The following TBCD variants were observed in gnomAD, a reference collection of about 807,000 sequenced individuals.
TBCD encodes tubulin-specific chaperone D.
A neutral mutation model predicts 169.3 loss-of-function variants in TBCD; 105 were observed. The observed-to-expected ratio is 0.62, with a 90% CI of 0.53 to 0.73. TBCD has a LOEUF of 0.73. Among genes scored for constraint, TBCD ranks in the 30% least tolerant of loss-of-function variants. The pLI, the probability that TBCD is intolerant of heterozygous loss-of-function variation, is 0.00. For synonymous variants in TBCD, 700 were observed against 643.9 expected (o/e 1.09, Z -1.32); for missense variants, 1,444 against 1,600.1 (o/e 0.90, Z 1.66).
At position 82,880,208 on chromosome 17, in the gene TBCD, C is replaced by G. The variant is rs916192026; in HGVS notation, c.1476-3937C>G. ...ACTTATCAGTCTGTCTAGATGGGGT[C>G]TCGCTGTGTTGCCCAGACTGTACTC... On this transcript the variant is annotated intron_variant, in intron 14 of 38. Coordinates refer to ENST00000355528, the MANE Select transcript of TBCD (RefSeq NM_005993.5). The surrounding 1 kb of genome is among the most constrained non-coding windows in gnomAD (Gnocchi z 5.0). Among the ~76,000 whole-genome samples, 3 of 152,130 alleles carry G rather than the reference C, an allele frequency of 2.0e-5. No individual in the cohort carries two copies. The highest frequency in any genetic ancestry group is 2.9e-5 in the Non-Finnish European group (2 of 68,034).
chr17:82,929,076 G>A (rs964148337), intron 30 of TBCD, 37 bp from the exon 31 acceptor site: 1 of 1,589,868 alleles, frequency 6.3e-7, no homozygotes, highest in Non-Finnish European at 8.5e-7. Flanking sequence ...TTAATTTACC[G>A]CCCGCCCTTG....
Position 82,807,678 on chromosome 17 carries a change from T to C in TBCD, c.1148+10T>C. On this transcript the variant is annotated intron_variant, in intron 11 of 38. Transcript: ENST00000355528. ...GGTCTGCAGCCAAGGGGTAGGTGTCTGTGGCCGCAGAAGCACCCCGGGGGG... is the reference window on the plus strand; with the variant it reads ...GGTCTGCAGCCAAGGGGTAGGTGTCCGTGGCCGCAGAAGCACCCCGGGGGG... 6.7e-7 allele frequency: 1 copy of C among 1,482,854 alleles called. No homozygotes were observed. The highest frequency in any genetic ancestry group is 9.0e-7 in the Non-Finnish European group (1 of 1,110,650). The allele number at this position is 1,482,854 out of a possible 1,614,324, so 91.9% of individuals were successfully genotyped here. A position where few individuals can be genotyped will look rare whatever the true frequency, so the allele number is the denominator to read the frequency against.
intron 19 of TBCD, among the ~76,000 whole-genome samples, chr17:82,904,229 C>T (rs147785137): frequency 0.088 from 12,386 of 140,932 alleles, 1,025 homozygotes; most frequent in South Asian, 0.23. Context: ...TCCTTGGTCT[C>T]TAGGTGGCTT....
At chr17:82,808,220 G>A (rs898731523) in intron 11 of TBCD, among the ~76,000 whole-genome samples, 1 of 152,186 alleles carries the variant, frequency 6.6e-6, no homozygotes, top group Non-Finnish European at 1.5e-5. Flanking sequence ...GGCTCGGGCT[G>A]TGCAGGGACA....
chr17:82,768,690 G>A, intron 5 of TBCD, 124 bp downstream of exon 5: 1 of 1,055,616 alleles, frequency 9.5e-7, no homozygotes, highest in Non-Finnish European at 1.3e-6. Context: ...TTTCAGTGGG[G>A]TAAAATCCCA....
At chr17:82,851,522 GC>G (rs1380462749) in intron 13 of TBCD, among the ~76,000 whole-genome samples, 8 of 152,216 alleles carry the variant, frequency 5.3e-5, no homozygotes, top group Admixed American at 5.2e-4. Context: ...GGCCCACAGG[GC>G]CCGAGGTTCT....
Position 82,787,559 on chromosome 17 carries a change from T to G in TBCD, c.771+5838T>G, listed in dbSNP as rs566063848. On this transcript the variant is annotated intron_variant, in intron 7 of 38. Coordinates refer to ENST00000355528, the MANE Select transcript of TBCD (RefSeq NM_005993.5). ...TGCTGAGCGGGTGGGAGGTTTCACC[T>G]TGGGCTTGGCAGAGCTGCAGGCAGA... 2.0e-5 allele frequency among the ~76,000 whole-genome samples: 3 copies of G among 152,338 alleles called. No homozygotes were observed. The South Asian group carries it at 6.2e-4, about 32-fold the overall frequency.
intron 13 of TBCD, chr17:82,830,377 G>A: frequency 1.2e-6 from 2 of 1,612,842 alleles, no homozygotes; most frequent in Non-Finnish European, 1.7e-6. Context: ...GATGTTCCTG[G>A]GGCTGTAGGC....
intron 13 of TBCD, chr17:82,829,879 G>C (rs2053320825): frequency 1.8e-6 from 1 of 548,474 alleles, no homozygotes; most frequent in Admixed American, 3.2e-5. Context: ...CTGTAAGACA[G>C]CTTAGACTTG....
chr17:82,815,084 T>A, intron 13 of TBCD, 150 bp downstream of exon 13: 1 of 1,332,816 alleles, frequency 7.5e-7, no homozygotes, highest in Non-Finnish European at 1.0e-6. Flanking sequence ...GCTGCAGCCC[T>A]TCGTCTGAAC....
rs115243606 is a variant in TBCD at position 82,869,816 on chromosome 17, C to T, written c.1319-408C>T. Reference sequence around the variant, plus strand: ...AATTCCAGGCACTGCCTGGCATCTGCGTCTCTCCCTCCCCTGAACCAGGGG... The same window carrying T: ...AATTCCAGGCACTGCCTGGCATCTGTGTCTCTCCCTCCCCTGAACCAGGGG... On this transcript the variant is annotated intron_variant, in intron 13 of 38. Coordinates refer to ENST00000355528, the MANE Select transcript of TBCD (RefSeq NM_005993.5). Among the ~76,000 whole-genome samples, 356 of 152,300 alleles carry T rather than the reference C, an allele frequency of 2.3e-3. 2 individuals carry two copies. Among genetic ancestry groups the T allele is most frequent in the African/African-American group, 6.1e-3 (254 of 41,560 alleles).
chr17:82,898,772 T>G (rs903375099), intron 17 of TBCD, among the ~76,000 whole-genome samples: 5 of 152,232 alleles, frequency 3.3e-5, no homozygotes, highest in Non-Finnish European at 5.9e-5. Context: ...CATATCCTAC[T>G]TAGAGATTAT....
At position 82,903,822 on chromosome 17, in the gene TBCD, A is replaced by C. The variant is rs1274646268; in HGVS notation, c.1804+344A>C. On this transcript the variant is annotated intron_variant, in intron 19 of 38. Coordinates refer to ENST00000355528, the MANE Select transcript of TBCD (RefSeq NM_005993.5). The surrounding 1 kb of genome is among the most constrained non-coding windows in gnomAD (Gnocchi z 4.8). ...TCTCTAGGTGGCTCGCACCTGCCAC[A>C]CGACACTCCCTGGTCTCTAGGTGGC... 8.5e-6 allele frequency among the ~76,000 whole-genome samples: 1 copy of C among 117,514 alleles called. No homozygotes were observed. Among genetic ancestry groups the C allele is most frequent in the African/African-American group, 3.3e-5 (1 of 29,852 alleles). The allele number at this position is 117,514 out of a possible 152,430, so 77.1% of individuals were successfully genotyped here.
intron 2 of TBCD, among the ~76,000 whole-genome samples, chr17:82,757,335 T>A (rs2047454952): frequency 6.6e-6 from 1 of 151,990 alleles, no homozygotes; most frequent in Non-Finnish European, 1.5e-5. Flanking sequence ...AAATAACAGA[T>A]TTTGGCTGGG....
intron 2 of TBCD, among the ~76,000 whole-genome samples, chr17:82,757,757 G>A (rs1769244595): frequency 6.6e-6 from 1 of 152,180 alleles, no homozygotes; most frequent in Non-Finnish European, 1.5e-5. Flanking sequence ...TTGGGAGAGG[G>A]TCAGCTGCAG....
chr17:82,807,525 G>T, intron 10 of TBCD, 83 bp from the exon 11 acceptor site: 1 of 1,015,270 alleles, frequency 9.8e-7, no homozygotes, highest in African/African-American at 1.7e-5. Flanking sequence ...GCACTGAGTA[G>T]CGTACAGGAT....
At chr17:82,809,901 C>CT in intron 12 of TBCD, 119 bp downstream of exon 12, 1 of 851,896 alleles carries the variant, frequency 1.2e-6, no homozygotes, top group Non-Finnish European at 1.8e-6. Context: ...TCCAGAAGCT[C>CT]TTTTTTCCCC....
chr17:82,941,536 A>C (rs773284771), intron 38 of TBCD, 53 bp downstream of exon 38: 18 of 1,498,322 alleles, frequency 1.2e-5, no homozygotes, highest in Admixed American at 3.9e-5. Flanking sequence ...TGAGCTCTGG[A>C]ATGTTCTGGG....
chr17:82,871,110 C>T (rs1021540214), intron 14 of TBCD, among the ~76,000 whole-genome samples: 9 of 152,206 alleles, frequency 5.9e-5, no homozygotes, highest in East Asian at 1.9e-4. Context: ...AGAAGCTGTG[C>T]GGCCTGTGGC....
Sources: allele counts gnomAD v4.1 joint callset (sites outside exome capture counted in the v4.1 genomes callset), GRCh38; gene constraint gnomAD v4.1.1; non-coding constraint Gnocchi (gnomAD v3.1); transcripts MANE v1.5; gene names NCBI Gene and HGNC (gene_info 2026-07-23, HGNC 2026-07-21).